GFRAL: variants seen among roughly 807,000 people sequenced by gnomAD.
GFRAL encodes GDNF family receptor alpha like.
In GFRAL, 36 loss-of-function variants were observed where a neutral mutation model predicts 45.4. The ratio of observed to expected loss-of-function variants is 0.79; its 90% CI spans 0.61 to 1.05. GFRAL has a LOEUF of 1.05. Ranked by LOEUF, GFRAL falls within the 50% of genes least tolerant of loss-of-function variation. GFRAL has a pLI of 0.00. For missense variants in GFRAL, 507 were observed against 467.5 expected (o/e 1.08, Z -0.78); for synonymous variants, 166 against 154.1 (o/e 1.08, Z -0.57).
rs140801801 is a variant in GFRAL at position 55,329,548 on chromosome 6, T to C, written c.22+1972T>C. ...GACTTCAAATTTCTATTTCTGGGTC[T>C]TTGGAAAACTGGATTTGACCAAGTA... On this transcript the variant is annotated intron_variant, in intron 1 of 8. Coordinates refer to ENST00000340465, the MANE Select transcript of GFRAL (RefSeq NM_207410.2). Among the ~76,000 whole-genome samples, 4 of 152,270 alleles carry C rather than the reference T, an allele frequency of 2.6e-5. No homozygotes were observed. In the East Asian group the frequency reaches 7.7e-4, roughly 29 times the overall value.
At chr6:55,350,017 A>G in intron 3 of GFRAL, 75 bp from the exon 4 acceptor site, 2 of 851,246 alleles carry the variant, frequency 2.3e-6, no homozygotes, top group Non-Finnish European at 4.0e-6. Context: ...ACTCATTTAT[A>G]AATGTGGCCC....
intron 3 of GFRAL, among the ~76,000 whole-genome samples, chr6:55,343,916 A>G (rs1404979681): frequency 6.6e-6 from 1 of 152,204 alleles, no homozygotes; most frequent in African/African-American, 2.4e-5. Flanking sequence ...ACCTCTACAC[A>G]AATAAACCAG....
chr6:55,373,748 CT>C (rs56959037), intron 6 of GFRAL, among the ~76,000 whole-genome samples: 478 of 148,514 alleles, frequency 3.2e-3, no homozygotes, highest in African/African-American at 0.01. Flanking sequence ...TTTTCTTCAA[CT>C]TTTTTTTTTT....
intron 5 of GFRAL, among the ~76,000 whole-genome samples, chr6:55,358,596 C>T (rs1426536645): frequency 6.6e-6 from 1 of 151,904 alleles, no homozygotes; most frequent in East Asian, 1.9e-4. Flanking sequence ...GTTCATGCCT[C>T]AAATAGTCAT....
At chr6:55,379,883 T>C (rs899190460) in intron 6 of GFRAL, among the ~76,000 whole-genome samples, 7 of 151,976 alleles carry the variant, frequency 4.6e-5, no homozygotes, top group Non-Finnish European at 1.0e-4. Context: ...AGATTCCGCA[T>C]ACAAGTGAGA....
chr6:55,356,165 A>T (rs886567564), intron 5 of GFRAL, among the ~76,000 whole-genome samples: 1 of 151,790 alleles, frequency 6.6e-6, no homozygotes, highest in African/African-American at 2.4e-5. Context: ...TCTTCAGGAA[A>T]ATTGTCCTGT....
At chr6:55,345,154 C>G (rs1322225489) in intron 3 of GFRAL, among the ~76,000 whole-genome samples, 1 of 152,156 alleles carries the variant, frequency 6.6e-6, no homozygotes, top group Non-Finnish European at 1.5e-5. Flanking sequence ...CCCCATCAAG[C>G]TACCAATGAC....
chr6:55,377,180 G>A (rs921085097), intron 6 of GFRAL, among the ~76,000 whole-genome samples: 2 of 151,806 alleles, frequency 1.3e-5, no homozygotes, highest in Non-Finnish European at 2.9e-5. Flanking sequence ...ATTTAAAAAC[G>A]GTCTCCATCT....
intron 6 of GFRAL, among the ~76,000 whole-genome samples, chr6:55,369,581 CAT>C (rs150386183): frequency 0.05 from 7,655 of 152,110 alleles, 289 homozygotes; most frequent in African/African-American, 0.095. Flanking sequence ...TTTTTACAGA[CAT>C]TGCTGCAATA....
At chr6:55,396,556 T>C (rs1768827268) in intron 6 of GFRAL, among the ~76,000 whole-genome samples, 1 of 151,338 alleles carries the variant, frequency 6.6e-6, no homozygotes, top group African/African-American at 2.4e-5. Flanking sequence ...CTACAGCTTT[T>C]TTTTAAAAAA....
intron 3 of GFRAL, among the ~76,000 whole-genome samples, chr6:55,343,304 G>T (rs981082170): frequency 6.6e-6 from 1 of 152,132 alleles, no homozygotes; most frequent in Non-Finnish European, 1.5e-5. Flanking sequence ...AAACGTAAAA[G>T]AACACAAATT....
chr6:55,354,754 A>C (rs1768165157), intron 5 of GFRAL, among the ~76,000 whole-genome samples: 1 of 152,038 alleles, frequency 6.6e-6, no homozygotes, highest in Admixed American at 6.6e-5. Context: ...TATGATACTT[A>C]TCTTTTTTGC....
At chr6:55,333,745 A>G in intron 2 of GFRAL, 41 bp from the exon 3 acceptor site, 2 of 1,339,432 alleles carry the variant, frequency 1.5e-6, no homozygotes, top group South Asian at 1.9e-5. Flanking sequence ...CCAAAATTAT[A>G]ATCAGATTAA....
At chr6:55,335,895 C>CTTTTAT (rs371208554) in intron 3 of GFRAL, among the ~76,000 whole-genome samples, 11 of 147,768 alleles carry the variant, frequency 7.4e-5, no homozygotes, top group South Asian at 6.6e-4. Context: ...ATTTCTTTGT[C>CTTTTAT]TTTATTTTAT....
At chr6:55,361,369 CA>C (rs979388678) in intron 6 of GFRAL, among the ~76,000 whole-genome samples, 12 of 151,994 alleles carry the variant, frequency 7.9e-5, no homozygotes, top group African/African-American at 2.9e-4. Flanking sequence ...GTAGTATTTG[CA>C]TATAACCTAT....
intron 6 of GFRAL, among the ~76,000 whole-genome samples, chr6:55,394,173 A>G (rs553831036): frequency 6.6e-6 from 1 of 152,306 alleles, no homozygotes; most frequent in South Asian, 2.1e-4. Context: ...AGAAGTAAGT[A>G]TAGTAAGAGG....
chr6:55,329,410 G>C (rs986725612), intron 1 of GFRAL, among the ~76,000 whole-genome samples: 2 of 152,144 alleles, frequency 1.3e-5, no homozygotes, highest in Non-Finnish European at 2.9e-5. Flanking sequence ...TACTGATGAA[G>C]TTTTGATGAT....
At chr6:55,370,560 T>G (rs4715535) in intron 6 of GFRAL, among the ~76,000 whole-genome samples, 29,121 of 152,176 alleles carry the variant, frequency 0.19, 3,202 homozygotes, top group African/African-American at 0.3. Flanking sequence ...TGTAGCTTGA[T>G]CATCTTAGTA....
chr6:55,357,796 TATA>T (rs1392641442), intron 5 of GFRAL, among the ~76,000 whole-genome samples: 1 of 151,746 alleles, frequency 6.6e-6, no homozygotes, highest in Non-Finnish European at 1.5e-5. Context: ...TCTACTTATG[TATA>T]AGTAGATAAA....
Sources: allele counts gnomAD v4.1 joint callset (sites outside exome capture counted in the v4.1 genomes callset), GRCh38; gene constraint gnomAD v4.1.1; transcripts MANE v1.5; gene names NCBI Gene and HGNC (gene_info 2026-07-23, HGNC 2026-07-21).